Variants in MAGI2 observed in about 807,000 individuals in gnomAD.
The protein encoded by MAGI2 is membrane-associated guanylate kinase, WW and PDZ domain-containing protein 2.
In MAGI2, 35 loss-of-function variants were observed where a neutral mutation model predicts 133.3. The observed-to-expected ratio is 0.26, with a 90% CI of 0.20 to 0.35. The LOEUF is 0.35. Among genes scored for constraint, MAGI2 ranks in the 10% least tolerant of loss-of-function variants. The probability of loss-of-function intolerance (pLI) is 1.00; values close to 1 mark genes in which losing one functional copy is unlikely to be tolerated. For synonymous variants in MAGI2, 729 were observed against 710.6 expected (o/e 1.03, Z -0.41); for missense variants, 1,636 against 1,863.4 (o/e 0.88, Z 2.25).
chr7:78,687,758 G>A (rs1323189007), intron 2 of MAGI2, among the ~76,000 whole-genome samples: 3 of 151,542 alleles, frequency 2.0e-5, no homozygotes, highest in East Asian at 2.0e-4. Context: ...CATTTGAGGC[G>A]AGGAGTTCAA....
intron 3 of MAGI2, among the ~76,000 whole-genome samples, chr7:78,543,106 T>C (rs1463126994): frequency 2.0e-5 from 3 of 152,114 alleles, no homozygotes; most frequent in Non-Finnish European, 4.4e-5. Flanking sequence ...CTTTTGGAGG[T>C]TGATGTAATG....
intron 1 of MAGI2, among the ~76,000 whole-genome samples, chr7:79,418,016 C>T (rs1169739489): frequency 1.3e-5 from 2 of 151,880 alleles, no homozygotes; most frequent in Admixed American, 1.3e-4. Flanking sequence ...TGTGTACAGG[C>T]ATTAAATATT....
At position 78,698,532 on chromosome 7, in the gene MAGI2, C is replaced by T. The variant is rs552961554; in HGVS notation, c.419-71293G>A. 1.6e-4 allele frequency among the ~76,000 whole-genome samples: 25 copies of T among 152,248 alleles called. No individual in the cohort carries two copies. In the East Asian group the frequency reaches 4.3e-3, roughly 26 times the overall value. ...TTTTCACCATTAGGAACTTATGTGT[C>T]GGTACGTTTAAGAAAATAATTGCTT... On this transcript the variant is annotated intron_variant, in intron 2 of 21. Transcript: ENST00000354212.
At chr7:79,059,908 G>A (rs1416651270) in intron 1 of MAGI2, among the ~76,000 whole-genome samples, 1 of 152,052 alleles carries the variant, frequency 6.6e-6, no homozygotes, top group Non-Finnish European at 1.5e-5. Flanking sequence ...GCTCACTAGT[G>A]AATTTATTAG....
At chr7:78,192,501 G>A (rs1240030654) in intron 12 of MAGI2, among the ~76,000 whole-genome samples, 2 of 147,550 alleles carry the variant, frequency 1.4e-5, no homozygotes, top group East Asian at 4.0e-4. Flanking sequence ...AAATGGAAAC[G>A]TACAGGAGGG....
chr7:79,188,779 G>T (rs1176409593), intron 1 of MAGI2, among the ~76,000 whole-genome samples: 2 of 151,792 alleles, frequency 1.3e-5, no homozygotes, highest in African/African-American at 4.8e-5. Context: ...AAATGTAAAT[G>T]AAATATGAAT....
intron 2 of MAGI2, among the ~76,000 whole-genome samples, chr7:78,884,238 G>A (rs1796098483): frequency 6.6e-6 from 1 of 152,112 alleles, no homozygotes; most frequent in African/African-American, 2.4e-5. Flanking sequence ...ATCATTTTGG[G>A]AGGCAAAGGC....
At chr7:78,298,866 A>G (rs990792885) in intron 9 of MAGI2, among the ~76,000 whole-genome samples, 2 of 123,726 alleles carry the variant, frequency 1.6e-5, no homozygotes, top group Non-Finnish European at 3.1e-5. Context: ...CCCAGGCTGG[A>G]GTGCAGTGGT....
chr7:79,089,631 A>C (rs952077596), intron 1 of MAGI2, among the ~76,000 whole-genome samples: 2 of 152,158 alleles, frequency 1.3e-5, no homozygotes, highest in African/African-American at 2.4e-5. Flanking sequence ...CAACCAAATA[A>C]AAGGATGAGT....
rs143196216 is a variant in MAGI2, at chr7:79,009,561, T to A, written c.302-2355A>T. On this transcript the variant is annotated intron_variant, in intron 1 of 21. Coordinates refer to ENST00000354212, the MANE Select transcript of MAGI2 (RefSeq NM_012301.4). ...TATTCTTACAGCAAATTCTGCTAGT[T>A]GCCTACCCAATATTCCTCCCATTAT... Among the ~76,000 whole-genome samples the A allele has an allele frequency of 4.6e-5, 7 of 152,284 alleles. No homozygotes were observed. In the East Asian group the frequency reaches 1.3e-3, roughly 29 times the overall value.
intron 21 of MAGI2, among the ~76,000 whole-genome samples, chr7:78,044,700 T>TGTGC (rs1563046184): frequency 0.012 from 1,086 of 88,186 alleles, 9 homozygotes; most frequent in Middle Eastern, 0.042. Flanking sequence ...TGTGTGTGTG[T>TGTGC]GTGTGCACGT....
intron 3 of MAGI2, among the ~76,000 whole-genome samples, chr7:78,560,562 T>C (rs553193938): frequency 2.4e-4 from 36 of 152,342 alleles, no homozygotes; most frequent in African/African-American, 8.2e-4. Context: ...TAAAATTATG[T>C]TTAAAAACAT....
At chr7:78,133,322 C>T (rs1275968051) in intron 17 of MAGI2, among the ~76,000 whole-genome samples, 3 of 152,156 alleles carry the variant, frequency 2.0e-5, no homozygotes, top group Non-Finnish European at 4.4e-5. Flanking sequence ...TACCAAAAAA[C>T]CTCATAAAAC....
rs913636361 is a variant in MAGI2, at chr7:78,774,662, T to C, written c.419-147423A>G. Among the ~76,000 whole-genome samples the C allele has an allele frequency of 7.9e-5, 12 of 152,130 alleles. No homozygotes were observed. In the East Asian group the frequency reaches 2.3e-3, roughly 29 times the overall value. On this transcript the variant is annotated intron_variant, in intron 2 of 21. Transcript: ENST00000354212. ...ATAGCCAGAGTGTCTCACATTCACT[T>C]TGCAGGAGCTCTGGGCAAAGATTTT...
intron 9 of MAGI2, among the ~76,000 whole-genome samples, chr7:78,285,504 C>T (rs1236882165): frequency 6.6e-6 from 1 of 152,046 alleles, no homozygotes; most frequent in Non-Finnish European, 1.5e-5. Flanking sequence ...ACCCTTAATA[C>T]AAATTATCTG....
chr7:78,838,513 T>TGC (rs1291152779), intron 2 of MAGI2, among the ~76,000 whole-genome samples: 1 of 147,216 alleles, frequency 6.8e-6, no homozygotes, highest in African/African-American at 2.5e-5. Flanking sequence ...TGTGTGAGTG[T>TGC]GTGTGTGTGT....
chr7:79,063,234 T>G (rs1244646249), intron 1 of MAGI2, among the ~76,000 whole-genome samples: 9 of 152,122 alleles, frequency 5.9e-5, no homozygotes, highest in Non-Finnish European at 1.3e-4. Flanking sequence ...AATGTGTGAC[T>G]GGGTTTATGA....
chr7:79,235,580 G>C (rs930012108), intron 1 of MAGI2, among the ~76,000 whole-genome samples: 6 of 152,150 alleles, frequency 3.9e-5, no homozygotes, highest in Non-Finnish European at 5.9e-5. Context: ...TCACCCCTTT[G>C]TTTGACTCGG....
At chr7:79,115,240 C>G (rs1267621673) in intron 1 of MAGI2, among the ~76,000 whole-genome samples, 6 of 151,904 alleles carry the variant, frequency 3.9e-5, no homozygotes, top group African/African-American at 7.3e-5. Context: ...TGCTTTGGGA[C>G]CAGAGAAAGG....
Sources: allele counts gnomAD v4.1 joint callset (sites outside exome capture counted in the v4.1 genomes callset), GRCh38; gene constraint gnomAD v4.1.1; transcripts MANE v1.5; gene names NCBI Gene and HGNC (gene_info 2026-07-23, HGNC 2026-07-21).